Variants in APLP2 observed in about 807,000 individuals in gnomAD.
APLP2 encodes the protein CDEI box-binding protein.
In APLP2, 53 loss-of-function variants were observed where a neutral mutation model predicts 89.9. That is an observed-to-expected ratio of 0.59 (90% CI 0.47 to 0.74). The LOEUF is 0.74. APLP2 is among the 30% of genes least tolerant of loss of function. The pLI, the probability that APLP2 is intolerant of heterozygous loss-of-function variation, is 0.00. For synonymous variants in APLP2, 372 were observed against 348.6 expected, an observed-to-expected ratio of 1.07 and a Z score of -0.75; for missense variants, 973 against 975.9, an observed-to-expected ratio of 1.00 and a Z score of 0.04.
chr11:130,076,073 CCTTT>C (rs1192134207), intron 1 of APLP2, among the ~76,000 whole-genome samples: 2 of 151,900 alleles, frequency 1.3e-5, no homozygotes, highest in Admixed American at 1.3e-4. Context: ...ACTTTTTGGG[CCTTT>C]CTGTTTGTTT....
chr11:130,104,967 A>T (rs747928965), intron 1 of APLP2, among the ~76,000 whole-genome samples: 9 of 152,332 alleles, frequency 5.9e-5, no homozygotes, highest in Admixed American at 1.3e-4. Flanking sequence ...TCGAAGCAAA[A>T]CATATGTCAG....
At chr11:130,091,538 GGGGGCTGACCC>G (rs1945202964) in intron 1 of APLP2, among the ~76,000 whole-genome samples, 1 of 140,766 alleles carries the variant, frequency 7.1e-6, no homozygotes, top group Non-Finnish European at 1.5e-5. Flanking sequence ...TGGCCGGGCG[GGGGGCTGACCC>G]CCCCACCTCC....
Position 130,133,652 on chromosome 11 carries a change from T to G in APLP2, c.1608T>G (p.Ile536Met). 1 of 1,614,080 alleles carries G rather than the reference T, an allele frequency of 6.2e-7. No individual in the cohort carries two copies. The highest frequency in any genetic ancestry group is 8.5e-7 in the Non-Finnish European group (1 of 1,179,956). The part of the protein sequence containing the change: ...KSQVMTHLHV[I>M]EERRNQSLSL... ...AGGTGATGACACATCTCCACGTGAT[T>G]GAAGAAAGGAGGAACCAAAGCCTCT... is the stretch of plus-strand genomic sequence containing the variant. The change falls in exon 12 of 17, where the codon ATT (isoleucine) becomes ATG (methionine). Residue 536 changes from isoleucine (I) to methionine (M), a missense_variant. Transcript: ENST00000338167.
chr11:130,091,617 A>T, intron 1 of APLP2, among the ~76,000 whole-genome samples: 1 of 119,280 alleles, frequency 8.4e-6, no homozygotes, highest in Non-Finnish European at 1.7e-5. Context: ...TCCCTCCCAG[A>T]CGGGGTGGCT....
chr11:130,115,968 T>A (rs1288488419), intron 3 of APLP2, among the ~76,000 whole-genome samples: 1 of 152,226 alleles, frequency 6.6e-6, no homozygotes, highest in African/African-American at 2.4e-5. Flanking sequence ...GTGATTAACA[T>A]TTTGGGGTAT....
chr11:130,077,823 T>C (rs1186253111), intron 1 of APLP2, among the ~76,000 whole-genome samples: 1 of 152,198 alleles, frequency 6.6e-6, no homozygotes, highest in African/African-American at 2.4e-5. Flanking sequence ...TTTTAGAAGG[T>C]AAGAATGTCA....
chr11:130,087,720 T>A (rs1944339748), intron 1 of APLP2, among the ~76,000 whole-genome samples: 1 of 152,210 alleles, frequency 6.6e-6, no homozygotes. Context: ...CCCTGCCCCT[T>A]ATCCTCTTCT....
chr11:130,076,914 G>A (rs917147229), intron 1 of APLP2, among the ~76,000 whole-genome samples: 8 of 152,228 alleles, frequency 5.3e-5, no homozygotes, highest in Non-Finnish European at 1.0e-4. Flanking sequence ...GCCTCCACAG[G>A]CTTTGACTTC....
In APLP2 at chr11:130,073,076, CTG is replaced by C. The variant is rs201182597; in HGVS notation, c.105+2996_105+2997del. Among the ~76,000 whole-genome samples the C allele has an allele frequency of 3.6e-3, 550 of 152,304 alleles. 8 individuals carry two copies. Among genetic ancestry groups the C allele is most frequent in the African/African-American group, 0.012 (517 of 41,568 alleles). ...TTGGTTATGCGAATTTACTTTTAAACTGTACATTTTATGAAATCTAAATGTAG... is the reference window on the plus strand; with the variant it reads ...TTGGTTATGCGAATTTACTTTTAAACTACATTTTATGAAATCTAAATGTAG... On this transcript the variant is annotated intron_variant, in intron 1 of 16. Transcript: ENST00000338167.
At chr11:130,085,603 C>T (rs1459956857) in intron 1 of APLP2, among the ~76,000 whole-genome samples, 3 of 152,166 alleles carry the variant, frequency 2.0e-5, no homozygotes, top group Non-Finnish European at 2.9e-5. Flanking sequence ...GAAGAGGGAA[C>T]ATTTTCATTT....
intron 3 of APLP2, among the ~76,000 whole-genome samples, chr11:130,117,704 C>T (rs922020055): frequency 3.3e-5 from 5 of 152,174 alleles, no homozygotes; most frequent in African/African-American, 1.2e-4. Context: ...TCATACTGTA[C>T]CTGACCTTTT....
intron 1 of APLP2, among the ~76,000 whole-genome samples, chr11:130,075,014 G>A (rs1203514940): frequency 1.3e-5 from 2 of 152,184 alleles, no homozygotes; most frequent in Non-Finnish European, 2.9e-5. Flanking sequence ...ATTGTACCTT[G>A]ATTTATGGCC....
chr11:130,083,371 A>G (rs1943570831), intron 1 of APLP2, among the ~76,000 whole-genome samples: 1 of 138,558 alleles, frequency 7.2e-6, no homozygotes, highest in East Asian at 2.3e-4. Flanking sequence ...AACACTTAAC[A>G]TGAGATCTAA....
chr11:130,091,597 C>A (rs1164285616), intron 1 of APLP2, among the ~76,000 whole-genome samples: 1 of 133,540 alleles, frequency 7.5e-6, no homozygotes, highest in African/African-American at 3.1e-5. Flanking sequence ...GGGGGGCTGA[C>A]CCCCCCATCT....
chr11:130,095,954 C>G (rs894017449), intron 1 of APLP2, among the ~76,000 whole-genome samples: 1 of 151,068 alleles, frequency 6.6e-6, no homozygotes, highest in Non-Finnish European at 1.5e-5. Context: ...CTCCCCTTGA[C>G]GAAGTCACAT....
chr11:130,140,549 A>G (rs937916955), intron 14 of APLP2, 66 bp downstream of exon 14: 3 of 1,335,822 alleles, frequency 2.2e-6, no homozygotes, highest in Non-Finnish European at 3.1e-6. Flanking sequence ...GAGTGACCTG[A>G]TGTCAGATGC....
chr11:130,139,340 C>T (rs1416323726), intron 13 of APLP2: 1 of 152,168 alleles, frequency 6.6e-6, no homozygotes, highest in Non-Finnish European at 1.5e-5. Flanking sequence ...CTTTGACAAG[C>T]CCAGGGACAG....
rs1418590281 is a variant in APLP2 at position 130,144,497 on chromosome 11, CTG to C, written c.*1052_*1053del. The C allele has an allele frequency of 3.9e-5, 6 of 152,346 alleles. No homozygotes were observed. The highest frequency in any genetic ancestry group is 8.8e-5 in the Non-Finnish European group (6 of 68,080). 9.4% of individuals were successfully genotyped at this position (152,346 alleles called of 1,614,324 possible). ...GTCCCTGAAACTGAGTCTGTGGACACTGTGGAAAGCTTTGAACAATTGTGTTT... is the reference window on the plus strand; with the variant it reads ...GTCCCTGAAACTGAGTCTGTGGACACTGGAAAGCTTTGAACAATTGTGTTT... On this transcript the variant is annotated 3_prime_UTR_variant, in exon 17 of 17. Transcript: ENST00000338167.
chr11:130,135,788 C>A, intron 13 of APLP2, 73 bp downstream of exon 13: 1 of 1,572,274 alleles, frequency 6.4e-7, no homozygotes, highest in Non-Finnish European at 8.7e-7. Flanking sequence ...GTCAGTTTTT[C>A]GAAAACCAAA....
Sources: gnomAD v4.1 joint callset for allele counts (sites outside exome capture counted in the v4.1 genomes callset) on GRCh38, gnomAD v4.1.1 for gene constraint, MANE v1.5 for transcripts, NCBI Gene and HGNC (gene_info 2026-07-23, HGNC 2026-07-21) for gene names.